The following ZNF654 variants were observed in gnomAD, a reference collection of about 807,000 sequenced individuals.
The protein encoded by ZNF654 is zinc finger protein 654.
ZNF654 carries 19 observed loss-of-function variants against 95.3 expected under a neutral mutation model. The observed-to-expected ratio is 0.20, with a 90% CI of 0.14 to 0.29. ZNF654 has a LOEUF of 0.29. ZNF654 is among the 10% of genes least tolerant of loss of function. The pLI, the probability that ZNF654 is intolerant of heterozygous loss-of-function variation, is 1.00. For synonymous variants in ZNF654, 413 were observed against 457.9 expected, an observed-to-expected ratio of 0.90 and a Z score of 1.25; for missense variants, 1,046 against 1,341.0, an observed-to-expected ratio of 0.78 and a Z score of 3.44.
chr3:88,077,664 GAAAGATAAA>G (rs1400549823), intron 1 of ZNF654, among the ~76,000 whole-genome samples: 11 of 145,058 alleles, frequency 7.6e-5, no homozygotes, highest in Non-Finnish European at 1.5e-4. Flanking sequence ...TAACACATAG[GAAAGATAAA>G]TGAAACATGC....
At chr3:88,098,841 T>C (rs529692392) in intron 2 of ZNF654, among the ~76,000 whole-genome samples, 40 of 152,226 alleles carry the variant, frequency 2.6e-4, no homozygotes, top group African/African-American at 8.7e-4. Flanking sequence ...TATCTCAAAA[T>C]AATAAGAGCT....
intron 2 of ZNF654, among the ~76,000 whole-genome samples, chr3:88,090,604 A>G (rs1708581944): frequency 6.6e-6 from 1 of 151,374 alleles, no homozygotes; most frequent in South Asian, 2.1e-4. Flanking sequence ...GCCTACATAT[A>G]CAGTGTTTAT....
chr3:88,077,553 T>C (rs554125815), intron 1 of ZNF654, among the ~76,000 whole-genome samples: 2 of 152,280 alleles, frequency 1.3e-5, no homozygotes, highest in East Asian at 1.9e-4. Context: ...GGGGAATCAT[T>C]GTTCTTCATT....
Position 88,059,486 on chromosome 3 carries a change from A to G in ZNF654, c.167A>G (p.Tyr56Cys). The change falls in exon 1 of 9, where the codon TAC (tyrosine) becomes TGC (cysteine). Residue 56 changes from tyrosine to cysteine, a missense_variant. By Grantham distance (194) the Tyr-to-Cys change is radical. This residue lies in a region of ZNF654 where 91 missense variants were observed against 190.5 expected (regional missense o/e 0.48). Transcript: ENST00000636215. Reference sequence around the variant, plus strand: ...GGCGTCGGAATCAGCAGTCGGGATTACTGCCGACGCTTCTGTCAGGTGAGG... The same window carrying G: ...GGCGTCGGAATCAGCAGTCGGGATTGCTGCCGACGCTTCTGTCAGGTGAGG... ...GGGVGISSRDYCRRFCQVVED... is the reference protein window; with the variant it reads ...GGGVGISSRDCCRRFCQVVED... 1 of 1,502,152 alleles carries G rather than the reference A, an allele frequency of 6.7e-7. No individual in the cohort carries two copies. The highest frequency in any genetic ancestry group is 8.8e-7 in the Non-Finnish European group (1 of 1,132,912). 93.1% of individuals were successfully genotyped at this position (1,502,152 alleles called of 1,614,324 possible).
At chr3:88,073,124 G>T (rs1707609402) in intron 1 of ZNF654, among the ~76,000 whole-genome samples, 1 of 152,136 alleles carries the variant, frequency 6.6e-6, no homozygotes, top group Non-Finnish European at 1.5e-5. Context: ...CTAATGTGTG[G>T]ATCTCCAGAC....
chr3:88,092,727 A>G (rs547318314), intron 2 of ZNF654, among the ~76,000 whole-genome samples: 2 of 152,322 alleles, frequency 1.3e-5, no homozygotes, highest in African/African-American at 4.8e-5. Context: ...TCTTTTATAT[A>G]TGTATAACAT....
chr3:88,134,731 G>A (rs1706669627), intron 6 of ZNF654, among the ~76,000 whole-genome samples: 2 of 151,880 alleles, frequency 1.3e-5, no homozygotes, highest in South Asian at 2.1e-4. Flanking sequence ...TTAATTAAAG[G>A]CCAAAGTTTA....
chr3:88,132,453 G>A lies in ZNF654; in HGVS notation c.894-2608G>A, dbSNP rs1706521905. 3.3e-5 allele frequency among the ~76,000 whole-genome samples: 5 copies of A among 152,238 alleles called. No homozygotes were observed. The South Asian group carries it at 1.0e-3, about 32-fold the overall frequency. The stretch of plus-strand genomic sequence containing the variant: ...AAGCTTCATTAAACCTGCCCTTTTG[G>A]TCTTCTAAAAGAAGACTGTCAATGG... On this transcript the variant is annotated intron_variant, in intron 6 of 8. Coordinates refer to ENST00000636215, the MANE Select transcript of ZNF654 (RefSeq NM_001350134.2).
Position 88,143,452 on chromosome 3 carries a change from T to A in ZNF654, c.*1800T>A, listed in dbSNP as rs1389214698. ...TTCTTGATACTAAAAATGTAATGAT[T>A]TTTATTTTAGTTCATTCTAAAAGTA... On this transcript the variant is annotated 3_prime_UTR_variant, in exon 9 of 9. Coordinates refer to ENST00000636215, the MANE Select transcript of ZNF654 (RefSeq NM_001350134.2). 6.6e-6 allele frequency: 1 copy of A among 152,332 alleles called. No homozygotes were observed. Among genetic ancestry groups the A allele is most frequent in the Non-Finnish European group, 1.5e-5 (1 of 67,774 alleles). 9.4% of individuals were successfully genotyped at this position (152,332 alleles called of 1,614,324 possible).
At position 88,127,551 on chromosome 3, in the gene ZNF654, A is replaced by G. The variant is rs532397529; in HGVS notation, c.551-1258A>G. On this transcript the variant is annotated intron_variant, in intron 4 of 8. Coordinates refer to ENST00000636215, the MANE Select transcript of ZNF654 (RefSeq NM_001350134.2). The stretch of plus-strand genomic sequence containing the variant: ...AGGGAAGGCAAGGGTGACAGACTAG[A>G]GGAAATTATGAGGAGACTGCATGTG... Among the ~76,000 whole-genome samples the G allele has an allele frequency of 2.0e-5, 3 of 152,270 alleles. No homozygotes were observed. In the East Asian group the frequency reaches 5.8e-4, roughly 29 times the overall value.
intron 8 of ZNF654, 147 bp downstream of exon 8, chr3:88,141,195 C>A: frequency 1.1e-6 from 1 of 880,738 alleles, no homozygotes; most frequent in Non-Finnish European, 1.7e-6. Context: ...TCCTTTAATA[C>A]ATACAACCAC....
At chr3:88,066,505 C>T (rs1248648304) in intron 1 of ZNF654, among the ~76,000 whole-genome samples, 11 of 151,694 alleles carry the variant, frequency 7.3e-5, no homozygotes, top group Non-Finnish European at 1.5e-4. Context: ...GCCCAGGAGG[C>T]GGAGTTTGCA....
At chr3:88,113,673 C>T (rs1705224956) in intron 3 of ZNF654, among the ~76,000 whole-genome samples, 1 of 152,108 alleles carries the variant, frequency 6.6e-6, no homozygotes, top group South Asian at 2.1e-4. Context: ...AAGACCTCTC[C>T]TGTAGATGAA....
At chr3:88,091,324 A>G (rs1423824294) in intron 2 of ZNF654, among the ~76,000 whole-genome samples, 1 of 152,186 alleles carries the variant, frequency 6.6e-6, no homozygotes, top group Non-Finnish European at 1.5e-5. Context: ...ATCACACTAC[A>G]AGGAAAATGT....
rs1203615424 is a variant in ZNF654 at position 88,140,256 on chromosome 3, G to A, written c.2587G>A (p.Glu863Lys). Residue 863 changes from glutamate (E) to lysine (K), a missense_variant, in exon 8 of 9, where the codon GAA becomes AAA. Around this residue, in one of 9 missense-constraint regions of ZNF654, gnomAD observed 495 missense variants for 537.0 expected, o/e 0.92. Coordinates refer to ENST00000636215, the MANE Select transcript of ZNF654 (RefSeq NM_001350134.2). ...ELFEDLPLLY[E>K]HEAQHYLSKT... ...TTTTGAAGATCTTCCTCTGCTGTAT[G>A]AACATGAAGCTCAACACTATTTAAG... The A allele has an allele frequency of 1.9e-6, 3 of 1,613,430 alleles. No homozygotes were observed. The highest frequency in any genetic ancestry group is 2.5e-6 in the Non-Finnish European group (3 of 1,179,670).
intron 2 of ZNF654, among the ~76,000 whole-genome samples, chr3:88,108,652 C>T (rs573498238): frequency 2.6e-5 from 4 of 152,240 alleles, no homozygotes; most frequent in Admixed American, 6.5e-5. Flanking sequence ...TTAGTCATTT[C>T]GTAGCCCTCT....
At chr3:88,068,039 GTGGAGGGGTGT>G (rs911943997) in intron 1 of ZNF654, among the ~76,000 whole-genome samples, 4 of 152,194 alleles carry the variant, frequency 2.6e-5, no homozygotes, top group Non-Finnish European at 4.4e-5. Flanking sequence ...CAAAGCACAA[GTGGAGGGGTGT>G]TGCTTTATAT....
intron 3 of ZNF654, among the ~76,000 whole-genome samples, chr3:88,116,557 T>TACACACACACACACAC (rs745598873): frequency 1.2e-4 from 3 of 25,506 alleles, no homozygotes; most frequent in African/African-American, 2.8e-4. Context: ...TACATACATA[T>TACACACACACACACAC]ATATACACAC....
At position 88,129,089 on chromosome 3, in the gene ZNF654, G is replaced by C. The variant is rs1576337387; in HGVS notation, c.753+78G>C. 1.8e-5 allele frequency: 19 copies of C among 1,060,420 alleles called. 1 individual carries two copies. In the East Asian group the frequency reaches 4.7e-4, roughly 26 times the overall value. 65.7% of individuals were successfully genotyped at this position (1,060,420 alleles called of 1,614,324 possible). On this transcript the variant is annotated intron_variant, in intron 5 of 8. Transcript: ENST00000636215. ...AACCAAAAAAAAAAAGTAGCCCACT[G>C]TTGTTGTTAAATTCCTTTTACAGTA...
Sources: allele counts gnomAD v4.1 joint callset (sites outside exome capture counted in the v4.1 genomes callset), GRCh38; gene constraint gnomAD v4.1.1; regional missense constraint gnomAD v4.1.1; transcripts MANE v1.5; gene names NCBI Gene and HGNC (gene_info 2026-07-23, HGNC 2026-07-21).